Variants in PACC1 observed in about 807,000 individuals in gnomAD.
PACC1 encodes the protein proton activated chloride channel 1, also known as proton-activated chloride channel.
Under a neutral mutation model 39.7 loss-of-function variants are expected in PACC1, and 34 were observed. The observed-to-expected ratio is 0.86, with a 90% CI of 0.65 to 1.14. The LOEUF (loss-of-function observed/expected upper bound fraction) is 1.14, where lower values mean the gene tolerates loss of function less well. Among genes scored for constraint, PACC1 ranks in the 50% most tolerant of loss-of-function variants. The pLI is 0.00. For synonymous variants in PACC1, 127 were observed against 160.6 expected, an observed-to-expected ratio of 0.79 and a Z score of 1.58; for missense variants, 379 against 436.4, an observed-to-expected ratio of 0.87 and a Z score of 1.17.
Position 212,375,279 on chromosome 1 carries a change from C to A in PACC1, c.805G>T (p.Asp269Tyr), listed in dbSNP as rs1660604763. 3.1e-6 allele frequency: 5 copies of A among 1,613,610 alleles called. No individual in the cohort carries two copies. The highest frequency in any genetic ancestry group is 4.2e-6 in the Non-Finnish European group (5 of 1,179,720). ...RQETSVVNYI[D>Y]QRPAAKKSAQ... ...CTTTTTTTGGCAGCTGGCCTCTGGT[C>A]AATGTAGTTAACCACACTTGTCTAG... Residue 269 changes from aspartate (D) to tyrosine (Y), a missense_variant, in exon 7 of 8, where the codon GAC (aspartate) becomes TAC (tyrosine). By Grantham distance (160) the Asp-to-Tyr change is radical. Coordinates refer to ENST00000261455, the MANE Select transcript of PACC1 (RefSeq NM_018252.3).
intron 7 of PACC1, among the ~76,000 whole-genome samples, chr1:212,370,159 A>G (rs1253302285): frequency 6.6e-6 from 1 of 152,224 alleles, no homozygotes; most frequent in Non-Finnish European, 1.5e-5. Flanking sequence ...AATGGACCTA[A>G]CTGACATTTA....
intron 7 of PACC1, among the ~76,000 whole-genome samples, chr1:212,372,819 T>A (rs1660508223): frequency 6.6e-6 from 1 of 151,746 alleles, no homozygotes; most frequent in South Asian, 2.1e-4. Flanking sequence ...AGTAAAAAAA[T>A]CGCTATAATG....
rs138060998 is a variant in PACC1 at position 212,379,971 on chromosome 1, G to A, written c.562C>T (p.Arg188Cys). ...KKRELVFLQFRLNKSSEDFSA... is the reference protein window; with the variant it reads ...KKRELVFLQFCLNKSSEDFSA... ...AAGTCCTCACTACTCTTGTTCAGGC[G>A]GAACTGGAGGAAGACCAGCTCCCGC... The change falls in exon 5 of 8, where the codon CGC becomes TGC. Residue 188 changes from arginine (R) to cysteine (C), a missense_variant. Arg to Cys is a radical substitution (Grantham distance 180, BLOSUM62 -3). Coordinates refer to ENST00000261455, the MANE Select transcript of PACC1 (RefSeq NM_018252.3). 93 of 1,614,196 alleles carry A rather than the reference G, an allele frequency of 5.8e-5. No homozygotes were observed. Among genetic ancestry groups the A allele is most frequent in the South Asian group, 4.9e-4 (45 of 91,084 alleles).
chr1:212,379,733 G>A (rs537187250), intron 5 of PACC1, among the ~76,000 whole-genome samples, 162 bp downstream of exon 5: 1 of 152,334 alleles, frequency 6.6e-6, no homozygotes, highest in Non-Finnish European at 1.5e-5. Flanking sequence ...GATGTTGAGT[G>A]GACCGGCCAA....
chr1:212,390,354 C>T (rs527498202), intron 2 of PACC1, among the ~76,000 whole-genome samples: 6 of 146,462 alleles, frequency 4.1e-5, no homozygotes, highest in East Asian at 2.1e-4. Context: ...ACCCGGGAGG[C>T]GGAGGTTGCA....
At chr1:212,399,947 T>C (rs910650796) in intron 2 of PACC1, among the ~76,000 whole-genome samples, 1 of 151,938 alleles carries the variant, frequency 6.6e-6, no homozygotes, top group African/African-American at 2.4e-5. Context: ...TGGGGTCCAG[T>C]GATTCTCCTG....
intron 7 of PACC1, among the ~76,000 whole-genome samples, chr1:212,366,456 A>G (rs1013503134): frequency 2.0e-5 from 3 of 151,576 alleles, no homozygotes; most frequent in Non-Finnish European, 4.4e-5. Flanking sequence ...ACATGCCACC[A>G]CGGCCGGCTA....
At chr1:212,380,542 T>C (rs1386328880) in intron 4 of PACC1, among the ~76,000 whole-genome samples, 1 of 152,178 alleles carries the variant, frequency 6.6e-6, no homozygotes, top group Non-Finnish European at 1.5e-5. Context: ...TTTAGATACT[T>C]TATATACCTG....
chr1:212,376,904 G>C (rs182375451), intron 6 of PACC1: 4 of 152,148 alleles, frequency 2.6e-5, no homozygotes, highest in African/African-American at 9.7e-5. Flanking sequence ...AAGAAGAAAA[G>C]ACTAGCTTTT....
Position 212,387,087 on chromosome 1 carries a change from C to T in PACC1, c.147G>A (p.Glu49=), listed in dbSNP as rs768633128. 1 of 1,613,932 alleles carries T rather than the reference C, an allele frequency of 6.2e-7. No homozygotes were observed. Residue 49 remains glutamate (E), a synonymous_variant, in exon 3 of 8, where the codon GAG becomes GAA. Coordinates refer to ENST00000261455, the MANE Select transcript of PACC1 (RefSeq NM_018252.3). ...TGAAGCGGATGCTGCTGGAGGCGGA[C>T]TCGCTGTCCAGGCCTGACAACAACA... is the stretch of plus-strand genomic sequence containing the variant. ...GPGILPGLDS[E]SASSSIRFSK...
intron 2 of PACC1, among the ~76,000 whole-genome samples, chr1:212,408,134 A>G (rs1661990682): frequency 6.6e-6 from 1 of 151,442 alleles, no homozygotes; most frequent in Admixed American, 6.6e-5. Flanking sequence ...GGTTGGGCAG[A>G]GTTTGACTCA....
rs144211080 is a variant in PACC1 at position 212,379,092 on chromosome 1, C to T, written c.638+803G>A. 8.0e-3 allele frequency among the ~76,000 whole-genome samples: 1,210 copies of T among 151,938 alleles called. 17 individuals carry two copies. Among genetic ancestry groups the T allele is most frequent in the African/African-American group, 0.027 (1,127 of 41,432 alleles). Reference sequence around the variant, plus strand: ...TTGAGTAGCTGGGACTACAGGTGCCCGCTACCACGCCTGGCTAATTTTTTG... The same window carrying T: ...TTGAGTAGCTGGGACTACAGGTGCCTGCTACCACGCCTGGCTAATTTTTTG... On this transcript the variant is annotated intron_variant, in intron 5 of 7. Coordinates refer to ENST00000261455, the MANE Select transcript of PACC1 (RefSeq NM_018252.3).
chr1:212,401,477 G>C (rs1661708285), intron 2 of PACC1, among the ~76,000 whole-genome samples: 1 of 151,806 alleles, frequency 6.6e-6, no homozygotes, highest in East Asian at 2.0e-4. Flanking sequence ...AATACAAAAA[G>C]TAGCTGGTTG....
intron 5 of PACC1, 103 bp from the exon 6 acceptor site, chr1:212,377,809 T>C: frequency 4.4e-6 from 6 of 1,348,400 alleles, no homozygotes; most frequent in Non-Finnish European, 3.1e-6. Flanking sequence ...ACAACCAGGA[T>C]GCTGCCCACT....
chr1:212,410,977 G>A lies in PACC1; in HGVS notation c.37-456C>T, dbSNP rs146352100. Reference sequence around the variant, plus strand: ...TCTTTACAAGGTGTGCTCTCTCTGTGTCTTCACATGGTCATCGTCTTGAAG... The same window carrying A: ...TCTTTACAAGGTGTGCTCTCTCTGTATCTTCACATGGTCATCGTCTTGAAG... On this transcript the variant is annotated intron_variant, in intron 1 of 7. Coordinates refer to ENST00000261455, the MANE Select transcript of PACC1 (RefSeq NM_018252.3). Among the ~76,000 whole-genome samples the A allele has an allele frequency of 2.4e-3, 358 of 152,286 alleles. 3 individuals are homozygous for A. Among genetic ancestry groups the A allele is most frequent in the African/African-American group, 8.1e-3 (338 of 41,544 alleles).
intron 7 of PACC1, 146 bp downstream of exon 7, chr1:212,375,047 G>A: frequency 1.9e-6 from 1 of 526,032 alleles, no homozygotes; most frequent in South Asian, 3.0e-5. Context: ...GAAAAAAGAT[G>A]AGGACAGGTA....
intron 2 of PACC1, among the ~76,000 whole-genome samples, chr1:212,404,805 A>G (rs537892972): frequency 3.4e-5 from 5 of 149,146 alleles, no homozygotes; most frequent in African/African-American, 1.2e-4. Context: ...ATCTTGCTCT[A>G]TCACCCAGTC....
Position 212,385,373 on chromosome 1 carries a change from G to A in PACC1, c.396C>T (p.Tyr132=), listed in dbSNP as rs764765856. 77 of 1,613,972 alleles carry A rather than the reference G, an allele frequency of 4.8e-5. No homozygotes were observed. The highest frequency in any genetic ancestry group is 6.7e-5 in the African/African-American group (5 of 74,888). Residue 132 remains tyrosine, a synonymous_variant, in exon 4 of 8, where the codon TAC becomes TAT. Transcript: ENST00000261455. The part of the protein sequence containing the change: ...QAQLLSCKHH[Y]EVIPPLTSPG... ...GGCTTGTCAGAGGAGGAATGACCTC[G>A]TAATGGTGCTTACAGCTGAGCAACT...
At chr1:212,375,377 G>A in intron 6 of PACC1, 77 bp from the exon 7 acceptor site, 1 of 1,020,774 alleles carries the variant, frequency 9.8e-7, no homozygotes, top group Non-Finnish European at 1.5e-6. Flanking sequence ...AAAGGAGAGA[G>A]AGTAGGCAGG....
Sources: gnomAD v4.1 joint callset for allele counts (sites outside exome capture counted in the v4.1 genomes callset) on GRCh38, gnomAD v4.1.1 for gene constraint, MANE v1.5 for transcripts, NCBI Gene and HGNC (gene_info 2026-07-23, HGNC 2026-07-21) for gene names.